The following PPP3CA variants were observed in gnomAD, a reference collection of about 807,000 sequenced individuals.
PPP3CA encodes CAM-PRP catalytic subunit.
Under a neutral mutation model 66.5 loss-of-function variants are expected in PPP3CA, and 14 were observed. That is an observed-to-expected ratio of 0.21 (90% confidence interval 0.14 to 0.33). The LOEUF is 0.33. Among genes scored for constraint, PPP3CA ranks in the 10% least tolerant of loss-of-function variants. The pLI, the probability that PPP3CA is intolerant of heterozygous loss-of-function variation, is 1.00. For missense variants in PPP3CA, 317 were observed against 639.5 expected (o/e 0.50, Z 5.44); for synonymous variants, 232 against 226.2 (o/e 1.03, Z -0.23).
At chr4:101,214,528 T>C (rs1725400097) in intron 1 of PPP3CA, among the ~76,000 whole-genome samples, 1 of 152,076 alleles carries the variant, frequency 6.6e-6, no homozygotes, top group Non-Finnish European at 1.5e-5. Context: ...CATTCAACAA[T>C]GACCTCCATA....
intron 2 of PPP3CA, among the ~76,000 whole-genome samples, chr4:101,149,657 C>T (rs1313012307): frequency 6.6e-6 from 1 of 152,082 alleles, no homozygotes; most frequent in Non-Finnish European, 1.5e-5. Context: ...GCAGTGCAAA[C>T]TCAAGCCTAA....
At chr4:101,089,381 A>G (rs1729812795) in intron 6 of PPP3CA, among the ~76,000 whole-genome samples, 1 of 152,212 alleles carries the variant, frequency 6.6e-6, no homozygotes, top group Admixed American at 6.5e-5. Flanking sequence ...ACTGCTGCAC[A>G]GAAGCTGGGC....
chr4:101,153,949 T>C (rs1369767102), intron 2 of PPP3CA, among the ~76,000 whole-genome samples: 3 of 152,076 alleles, frequency 2.0e-5, no homozygotes, highest in African/African-American at 4.8e-5. Context: ...CATTTGGACA[T>C]ATGCATGGCC....
chr4:101,063,557 A>G (rs1728560969), intron 8 of PPP3CA, among the ~76,000 whole-genome samples, 200 bp from the exon 9 acceptor site: 1 of 151,936 alleles, frequency 6.6e-6, no homozygotes, highest in South Asian at 2.1e-4. Flanking sequence ...CAATATATGA[A>G]TAATTAATAT....
intron 10 of PPP3CA, among the ~76,000 whole-genome samples, chr4:101,041,736 G>A (rs1727533109): frequency 6.6e-6 from 1 of 152,044 alleles, no homozygotes; most frequent in African/African-American, 2.4e-5. Context: ...ACCTGGTCAA[G>A]ATTTTTATAA....
chr4:101,322,365 T>C (rs1463560239), intron 1 of PPP3CA, among the ~76,000 whole-genome samples: 1 of 150,928 alleles, frequency 6.6e-6, no homozygotes, highest in South Asian at 2.1e-4. Flanking sequence ...AAAACACAGC[T>C]AGAAAGTAGG....
At position 101,032,304 on chromosome 4, in the gene PPP3CA, G is replaced by T. The variant is rs369318194; in HGVS notation, c.1302C>A (p.Ser434Arg). The T allele has an allele frequency of 1.9e-6, 3 of 1,611,024 alleles. No homozygotes were observed. In the African/African-American group the frequency reaches 4.0e-5, roughly 22 times the overall value. ...TTTGCTTCCCTCCAGAAAGTACTCCGCTGGGGAGCATGCCAGTTGGGGTCA... is the reference window on the plus strand; with the variant it reads ...TTTGCTTCCCTCCAGAAAGTACTCCTCTGGGGAGCATGCCAGTTGGGGTCA... ...KGLTPTGMLPSGVLSGGKQTL... is the reference protein window; with the variant it reads ...KGLTPTGMLPRGVLSGGKQTL... Residue 434 changes from serine (S) to arginine (R), a missense_variant, in exon 12 of 14, where the codon AGC (serine) becomes AGA (arginine). By Grantham distance (110) the Ser-to-Arg change is moderately radical. This residue lies in a region of PPP3CA where 201 missense variants were observed against 501.4 expected (regional missense o/e 0.40). Coordinates refer to ENST00000394854, the MANE Select transcript of PPP3CA (RefSeq NM_000944.5).
At chr4:101,078,122 A>G (rs538224169) in intron 8 of PPP3CA, among the ~76,000 whole-genome samples, 50 of 152,276 alleles carry the variant, frequency 3.3e-4, no homozygotes, top group African/African-American at 1.2e-3. Context: ...TCCTTCCCTC[A>G]GTTTAATAGT....
At chr4:101,100,901 G>A (rs553305381) in intron 3 of PPP3CA, among the ~76,000 whole-genome samples, 22 of 152,190 alleles carry the variant, frequency 1.4e-4, no homozygotes, top group Admixed American at 9.8e-4. Flanking sequence ...TACTTGTAAA[G>A]AGTAATCATC....
At chr4:101,026,832 T>A (rs1368068089) in intron 13 of PPP3CA, among the ~76,000 whole-genome samples, 1 of 152,148 alleles carries the variant, frequency 6.6e-6, no homozygotes, top group Non-Finnish European at 1.5e-5. Flanking sequence ...CATTACTGCC[T>A]AAATGAAAGA....
intron 6 of PPP3CA, among the ~76,000 whole-genome samples, chr4:101,092,828 T>A (rs930213775): frequency 6.6e-6 from 1 of 152,242 alleles, no homozygotes; most frequent in Non-Finnish European, 1.5e-5. Flanking sequence ...GGTGTATATG[T>A]ACCACATTTT....
chr4:101,057,815 G>T (rs1728290851), intron 10 of PPP3CA, among the ~76,000 whole-genome samples: 1 of 151,818 alleles, frequency 6.6e-6, no homozygotes, highest in Non-Finnish European at 1.5e-5. Context: ...AATTCCTCTG[G>T]GCTCTTTTTC....
intron 11 of PPP3CA, among the ~76,000 whole-genome samples, chr4:101,032,791 C>G (rs1445283678): frequency 6.6e-6 from 1 of 151,958 alleles, no homozygotes; most frequent in East Asian, 1.9e-4. Context: ...AATAAAAAAA[C>G]AGAGCATATG....
At chr4:101,256,465 C>A (rs2110250559) in intron 1 of PPP3CA, among the ~76,000 whole-genome samples, 1 of 152,058 alleles carries the variant, frequency 6.6e-6, no homozygotes, top group South Asian at 2.1e-4. Context: ...AGAAATGTAA[C>A]TACATGTACT....
intron 1 of PPP3CA, among the ~76,000 whole-genome samples, chr4:101,312,304 G>A (rs755957598): frequency 1.3e-5 from 2 of 151,512 alleles, no homozygotes; most frequent in African/African-American, 2.4e-5. Flanking sequence ...ACATTACATC[G>A]CAATAAAATC....
At chr4:101,281,524 A>AT (rs1474936343) in intron 1 of PPP3CA, among the ~76,000 whole-genome samples, 1 of 152,242 alleles carries the variant, frequency 6.6e-6, no homozygotes, top group Admixed American at 6.5e-5. Context: ...ATTATAATAT[A>AT]ATTTGATTTG....
intron 13 of PPP3CA, 97 bp downstream of exon 13, chr4:101,029,069 C>T (rs1054902859): frequency 8.3e-5 from 99 of 1,189,502 alleles, no homozygotes; most frequent in Non-Finnish European, 9.9e-6. Flanking sequence ...TAGCTCAACA[C>T]CCACACACTC....
chr4:101,076,135 A>G (rs1729180154), intron 8 of PPP3CA, among the ~76,000 whole-genome samples: 1 of 152,170 alleles, frequency 6.6e-6, no homozygotes, highest in Admixed American at 6.5e-5. Context: ...TTAGGTCTAC[A>G]GATTCACAGG....
At chr4:101,294,688 T>G (rs1728138267) in intron 1 of PPP3CA, among the ~76,000 whole-genome samples, 1 of 152,078 alleles carries the variant, frequency 6.6e-6, no homozygotes, top group Non-Finnish European at 1.5e-5. Flanking sequence ...ACCTCAGCAT[T>G]ATTTACACTT....
Sources: allele counts gnomAD v4.1 joint callset (sites outside exome capture counted in the v4.1 genomes callset), GRCh38; gene constraint gnomAD v4.1.1; regional missense constraint gnomAD v4.1.1; transcripts MANE v1.5; gene names NCBI Gene and HGNC (gene_info 2026-07-23, HGNC 2026-07-21).